Variants in PLEKHA7 observed in about 807,000 individuals in gnomAD.
The protein encoded by PLEKHA7 is pleckstrin homology domain containing A7, also known as pleckstrin homology domain-containing family A member 7.
Under a neutral mutation model 170.0 loss-of-function variants are expected in PLEKHA7, and 104 were observed. That is an observed-to-expected ratio of 0.61 (90% CI 0.52 to 0.72). The LOEUF (loss-of-function observed/expected upper bound fraction) is 0.72. PLEKHA7 is among the 30% of genes least tolerant of loss of function. The pLI is 0.00. For synonymous variants in PLEKHA7, 648 were observed against 660.8 expected, an observed-to-expected ratio of 0.98 and a Z score of 0.30; for missense variants, 1,615 against 1,671.7, an observed-to-expected ratio of 0.97 and a Z score of 0.59.
intron 16 of PLEKHA7, among the ~76,000 whole-genome samples, 153 bp from the exon 17 acceptor site, chr11:16,801,228 G>A (rs1302978098): frequency 6.6e-6 from 1 of 152,228 alleles, no homozygotes; most frequent in East Asian, 1.9e-4. Context: ...GAGCAGGAAA[G>A]AGCGTGGCAT....
At chr11:16,902,121 T>C (rs368178941) in intron 3 of PLEKHA7, among the ~76,000 whole-genome samples, 1 of 152,226 alleles carries the variant, frequency 6.6e-6, no homozygotes, top group Non-Finnish European at 1.5e-5. Context: ...ATCTTTCATT[T>C]AGCATAATGT....
chr11:16,960,594 C>G (rs1861997215), intron 3 of PLEKHA7, among the ~76,000 whole-genome samples: 2 of 152,120 alleles, frequency 1.3e-5, no homozygotes, highest in Non-Finnish European at 2.9e-5. Context: ...GTATCCAGCA[C>G]AGAGTCCCCT....
intron 3 of PLEKHA7, among the ~76,000 whole-genome samples, chr11:16,989,830 T>C (rs942792050): frequency 6.6e-6 from 1 of 152,176 alleles, no homozygotes; most frequent in Non-Finnish European, 1.5e-5. Flanking sequence ...TTTGTGGCTG[T>C]GTACTACACA....
intron 4 of PLEKHA7, among the ~76,000 whole-genome samples, chr11:16,869,134 T>C (rs7926072): frequency 0.048 from 7,256 of 152,266 alleles, 322 homozygotes; most frequent in African/African-American, 0.12. Flanking sequence ...AATCCACATA[T>C]CCTGGCTCTT....
intron 4 of PLEKHA7, among the ~76,000 whole-genome samples, chr11:16,863,373 G>A (rs1033857270): frequency 3.1e-4 from 47 of 152,090 alleles, no homozygotes; most frequent in Non-Finnish European, 2.9e-4. Context: ...AGACCCCAAT[G>A]GAAACAACAA....
chr11:16,874,024 A>C (rs1855084456), intron 3 of PLEKHA7, among the ~76,000 whole-genome samples: 1 of 152,210 alleles, frequency 6.6e-6, no homozygotes, highest in African/African-American at 2.4e-5. Context: ...GCAAACTTTA[A>C]ATCTAAACCT....
At chr11:16,813,488 T>C (rs1351173340) in intron 12 of PLEKHA7, among the ~76,000 whole-genome samples, 1 of 151,164 alleles carries the variant, frequency 6.6e-6, no homozygotes, top group East Asian at 1.9e-4. Flanking sequence ...ACCTGGGAGG[T>C]CCACCTGGAG....
chr11:16,892,137 G>A (rs1388585641), intron 3 of PLEKHA7, among the ~76,000 whole-genome samples: 2 of 152,164 alleles, frequency 1.3e-5, no homozygotes, highest in East Asian at 1.9e-4. Context: ...CAAACCCCAA[G>A]CATGCAATCT....
intron 3 of PLEKHA7, among the ~76,000 whole-genome samples, chr11:17,000,216 T>C (rs536118488): frequency 5.4e-4 from 83 of 152,324 alleles, no homozygotes; most frequent in African/African-American, 1.9e-3. Flanking sequence ...CCCGAGTGGC[T>C]GGAATTAACA....
chr11:16,842,396 G>C (rs984928392), intron 8 of PLEKHA7: 4 of 152,672 alleles, frequency 2.6e-5, no homozygotes, highest in Non-Finnish European at 5.9e-5. Context: ...ACCAGTCGAA[G>C]AGGAAGACCA....
chr11:16,963,473 C>T (rs1307233582), intron 3 of PLEKHA7, among the ~76,000 whole-genome samples: 2 of 152,130 alleles, frequency 1.3e-5, no homozygotes, highest in African/African-American at 2.4e-5. Context: ...GAAACTATTA[C>T]CTGTTTCTGC....
At chr11:16,889,420 A>AAAAAAAATATAT (rs61086849) in intron 3 of PLEKHA7, among the ~76,000 whole-genome samples, 151 of 74,614 alleles carry the variant, frequency 2.0e-3, no homozygotes, top group Middle Eastern at 8.6e-3. Flanking sequence ...AAAAAAAAAA[A>AAAAAAAATATAT]ATATATATAT....
chr11:16,905,425 T>G (rs575192965), intron 3 of PLEKHA7, among the ~76,000 whole-genome samples: 30 of 152,196 alleles, frequency 2.0e-4, no homozygotes, highest in Non-Finnish European at 3.7e-4. Flanking sequence ...AAAAGAATTT[T>G]TTTTTAATTC....
chr11:16,876,319 C>T (rs899385886), intron 3 of PLEKHA7, among the ~76,000 whole-genome samples: 10 of 152,222 alleles, frequency 6.6e-5, no homozygotes, highest in African/African-American at 2.4e-4. Context: ...CAGGGGAGAA[C>T]AAAAACTCTC....
At chr11:16,980,012 A>T (rs1249007711) in intron 3 of PLEKHA7, among the ~76,000 whole-genome samples, 1 of 152,170 alleles carries the variant, frequency 6.6e-6, no homozygotes, top group East Asian at 1.9e-4. Context: ...GACTAGAGGG[A>T]GGCAAAAATG....
At position 16,778,108 on chromosome 11, in the gene PLEKHA7, TA is replaced by T. The variant is rs1323248929; in HGVS notation, c.*889del. On this transcript the variant is annotated 3_prime_UTR_variant, in exon 27 of 27. Coordinates refer to ENST00000531066, the MANE Select transcript of PLEKHA7 (RefSeq NM_001329630.2). ...AACATGAAGAAACCCCCGTCTCTAC[TA>T]AAAATACAAAATTAGCCGGGCGTGG... 1.3e-5 allele frequency: 2 copies of T among 152,020 alleles called. No individual in the cohort carries two copies. The highest frequency in any genetic ancestry group is 4.8e-5 in the African/African-American group (2 of 41,374). The allele number at this position is 152,020 out of a possible 1,614,324, so 9.4% of individuals were successfully genotyped here.
chr11:16,840,093 AGTAGAGCCAAAAT>A (rs1452018814), intron 9 of PLEKHA7, among the ~76,000 whole-genome samples: 1 of 152,202 alleles, frequency 6.6e-6, no homozygotes, highest in Non-Finnish European at 1.5e-5. Context: ...CAATGCTGGA[AGTAGAGCCAAAAT>A]TGACGTAGTT....
At chr11:16,853,114 G>A (rs1462405718) in intron 6 of PLEKHA7, among the ~76,000 whole-genome samples, 1 of 152,146 alleles carries the variant, frequency 6.6e-6, no homozygotes, top group Non-Finnish European at 1.5e-5. Flanking sequence ...GAGAGGCTGA[G>A]GCAGGAAGAT....
intron 8 of PLEKHA7, among the ~76,000 whole-genome samples, chr11:16,847,703 G>A (rs1023995633): frequency 1.8e-4 from 27 of 152,144 alleles, no homozygotes; most frequent in South Asian, 8.3e-4. Flanking sequence ...TTAGCTGGGC[G>A]CAGTGGCAGG....
Sources: allele counts gnomAD v4.1 joint callset (sites outside exome capture counted in the v4.1 genomes callset), GRCh38; gene constraint gnomAD v4.1.1; transcripts MANE v1.5; gene names NCBI Gene and HGNC (gene_info 2026-07-23, HGNC 2026-07-21).